NAALADL2: variants seen among roughly 807,000 people sequenced by gnomAD.
The protein encoded by NAALADL2 is N-acetylated alpha-linked acidic dipeptidase like 2, also known as inactive N-acetylated-alpha-linked acidic dipeptidase-like protein 2.
In NAALADL2, 76 loss-of-function variants were observed where a neutral mutation model predicts 87.2. That is an observed-to-expected ratio of 0.87 (90% CI 0.72 to 1.05). The LOEUF (loss-of-function observed/expected upper bound fraction) is 1.05, where lower values mean the gene tolerates loss of function less well. Ranked by LOEUF, NAALADL2 falls within the 50% of genes least tolerant of loss-of-function variation. NAALADL2 has a pLI of 0.00. For missense variants in NAALADL2, 1,089 were observed against 945.8 expected, an observed-to-expected ratio of 1.15 and a Z score of -1.99; for synonymous variants, 354 against 331.0, an observed-to-expected ratio of 1.07 and a Z score of -0.75.
intron 3 of NAALADL2, among the ~76,000 whole-genome samples, chr3:175,252,319 G>C (rs1332237564): frequency 6.6e-6 from 1 of 151,916 alleles, no homozygotes; most frequent in African/African-American, 2.4e-5. Flanking sequence ...TTTCATTATG[G>C]TTATATGTGT....
intron 5 of NAALADL2, among the ~76,000 whole-genome samples, chr3:175,347,419 C>T (rs16825507): frequency 0.13 from 19,517 of 152,088 alleles, 1,330 homozygotes; most frequent in South Asian, 0.23. Flanking sequence ...CATAAGCCTT[C>T]ATATTAGACT....
chr3:175,755,786 T>C (rs758377759), intron 13 of NAALADL2, among the ~76,000 whole-genome samples: 1 of 150,566 alleles, frequency 6.6e-6, no homozygotes, highest in Non-Finnish European at 1.5e-5. Flanking sequence ...AAAGATCCCA[T>C]CTAGATTAAT....
At chr3:175,130,681 T>C (rs1329196884) in intron 2 of NAALADL2, among the ~76,000 whole-genome samples, 1 of 152,222 alleles carries the variant, frequency 6.6e-6, no homozygotes, top group East Asian at 1.9e-4. Context: ...TCAGATAGAA[T>C]TATGTATTTG....
At position 175,783,640 on chromosome 3, in the gene NAALADL2, G is replaced by A. The variant is rs947411207; in HGVS notation, c.2190-19365G>A. Among the ~76,000 whole-genome samples, 10 of 152,064 alleles carry A rather than the reference G, an allele frequency of 6.6e-5. No homozygotes were observed. In the South Asian group the frequency reaches 1.5e-3, roughly 22 times the overall value. On this transcript the variant is annotated intron_variant, in intron 13 of 13. Transcript: ENST00000454872. ...GGTTTTCTAAATATACAATCATGTT[G>A]TCTGCAAACAGGGACAATTTGACTT...
intron 4 of NAALADL2, among the ~76,000 whole-genome samples, chr3:175,282,341 TTGTC>T (rs1560286757): frequency 1.3e-5 from 2 of 152,044 alleles, no homozygotes; most frequent in Non-Finnish European, 2.9e-5. Flanking sequence ...TTTCAATTCT[TTGTC>T]TGCTTTAAAG....
chr3:175,473,651 A>G (rs182821992), intron 9 of NAALADL2, among the ~76,000 whole-genome samples: 1 of 152,072 alleles, frequency 6.6e-6, no homozygotes, highest in East Asian at 1.9e-4. Flanking sequence ...AAAGGTTTAT[A>G]CATTTTATAA....
At chr3:175,650,074 A>C (rs962222712) in intron 11 of NAALADL2, among the ~76,000 whole-genome samples, 6 of 150,794 alleles carry the variant, frequency 4.0e-5, no homozygotes, top group Non-Finnish European at 7.4e-5. Context: ...AAAAAAAAAA[A>C]CCCTCAGATT....
chr3:175,655,835 C>T (rs188276308), intron 11 of NAALADL2, among the ~76,000 whole-genome samples: 21 of 152,164 alleles, frequency 1.4e-4, no homozygotes, highest in Admixed American at 1.2e-3. Flanking sequence ...ATGCATGCTA[C>T]AGATGTTAGA....
intron 1 of NAALADL2, among the ~76,000 whole-genome samples, chr3:174,918,471 C>T (rs1326035889): frequency 6.6e-6 from 1 of 152,096 alleles, no homozygotes; most frequent in Non-Finnish European, 1.5e-5. Context: ...TATTACTGCT[C>T]ACTAGCCTGC....
At chr3:174,463,686 T>A (rs1716347990) in intron 1 of NAALADL2, among the ~76,000 whole-genome samples, 1 of 150,336 alleles carries the variant, frequency 6.7e-6, no homozygotes, top group African/African-American at 2.5e-5. Flanking sequence ...CTTCAAGCTC[T>A]GCCTCCCGAG....
chr3:174,793,429 A>G (rs1407366549), intron 3 of NAALADL2, among the ~76,000 whole-genome samples: 1 of 152,156 alleles, frequency 6.6e-6, no homozygotes, highest in African/African-American at 2.4e-5. Context: ...TTCATTCAGT[A>G]AATAGTTATT....
intron 3 of NAALADL2, among the ~76,000 whole-genome samples, chr3:174,846,491 A>G (rs898189737): frequency 6.6e-6 from 1 of 152,220 alleles, no homozygotes; most frequent in South Asian, 2.1e-4. Flanking sequence ...AAAATTTTGT[A>G]TGCCACATAA....
chr3:174,930,924 G>A (rs926810468), intron 1 of NAALADL2, among the ~76,000 whole-genome samples: 1 of 151,776 alleles, frequency 6.6e-6, no homozygotes, highest in Non-Finnish European at 1.5e-5. Context: ...GCCCGGCCAA[G>A]ATGAACATTT....
chr3:174,621,456 A>G (rs922887078), intron 2 of NAALADL2, among the ~76,000 whole-genome samples: 2 of 152,134 alleles, frequency 1.3e-5, no homozygotes, highest in Non-Finnish European at 2.9e-5. Flanking sequence ...TGAAGGACTA[A>G]AGGATGAGAA....
intron 9 of NAALADL2, among the ~76,000 whole-genome samples, chr3:175,513,329 A>G (rs184551072): frequency 6.6e-6 from 1 of 152,312 alleles, no homozygotes; most frequent in East Asian, 1.9e-4. Context: ...TAAAAATTAA[A>G]TAAAATGAGA....
intron 2 of NAALADL2, among the ~76,000 whole-genome samples, chr3:174,599,518 T>A (rs2108606335): frequency 6.6e-6 from 1 of 152,256 alleles, no homozygotes; most frequent in South Asian, 2.1e-4. Flanking sequence ...AAAAGCTACA[T>A]GTTCCCTAAT....
At chr3:175,756,853 C>T (rs1450093499) in intron 13 of NAALADL2, among the ~76,000 whole-genome samples, 1 of 151,748 alleles carries the variant, frequency 6.6e-6, no homozygotes, top group Non-Finnish European at 1.5e-5. Flanking sequence ...TTTTATTTAA[C>T]TGATAATTCT....
intron 2 of NAALADL2, among the ~76,000 whole-genome samples, chr3:174,664,520 T>A (rs1725790044): frequency 6.6e-6 from 1 of 152,188 alleles, no homozygotes; most frequent in Non-Finnish European, 1.5e-5. Flanking sequence ...ATGGATGTTG[T>A]CATAAATATT....
chr3:175,586,613 C>T (rs1450497003), intron 10 of NAALADL2, among the ~76,000 whole-genome samples: 2 of 152,114 alleles, frequency 1.3e-5, no homozygotes, highest in African/African-American at 4.8e-5. Context: ...TTATGTAGTA[C>T]TGAAAGTGGA....
Sources: allele counts gnomAD v4.1 joint callset (sites outside exome capture counted in the v4.1 genomes callset), GRCh38; gene constraint gnomAD v4.1.1; transcripts MANE v1.5; gene names NCBI Gene and HGNC (gene_info 2026-07-23, HGNC 2026-07-21).